The following SGCZ variants were observed in gnomAD, a reference collection of about 807,000 sequenced individuals.
The protein encoded by SGCZ is sarcoglycan zeta, also known as zeta-sarcoglycan.
A neutral mutation model predicts 41.3 loss-of-function variants in SGCZ; 40 were observed. The observed-to-expected ratio is 0.97, with a 90% CI of 0.75 to 1.26. The LOEUF is 1.26. SGCZ is among the 50% of genes most tolerant of loss of function. The pLI, the probability that SGCZ is intolerant of heterozygous loss-of-function variation, is 0.00. For missense variants in SGCZ, 552 were observed against 369.8 expected, an observed-to-expected ratio of 1.49 and a Z score of -4.04; for synonymous variants, 206 against 137.5, an observed-to-expected ratio of 1.50 and a Z score of -3.49.
chr8:14,938,262 C>T (rs2130816030), intron 1 of SGCZ, among the ~76,000 whole-genome samples: 1 of 152,136 alleles, frequency 6.6e-6, no homozygotes, highest in East Asian at 1.9e-4. Context: ...GATATGGATT[C>T]AAAAATAAAT....
At chr8:14,551,529 ATATAATAT>A (rs1803839439) in intron 2 of SGCZ, among the ~76,000 whole-genome samples, 1 of 3,756 alleles carries the variant, frequency 2.7e-4, no homozygotes, top group Non-Finnish European at 4.9e-4. Context: ...TATATAATAT[ATATAATAT>A]ATATAATATA....
intron 3 of SGCZ, among the ~76,000 whole-genome samples, chr8:14,250,883 T>A (rs2117206013): frequency 6.6e-6 from 1 of 152,286 alleles, no homozygotes; most frequent in South Asian, 2.1e-4. Flanking sequence ...ACTTTTCTTA[T>A]AACTCTGATA....
intron 2 of SGCZ, among the ~76,000 whole-genome samples, chr8:14,345,587 T>C (rs552783806): frequency 6.6e-6 from 1 of 152,238 alleles, no homozygotes; most frequent in African/African-American, 2.4e-5. Flanking sequence ...GAAGCTCTGT[T>C]TAATAACGTG....
chr8:14,483,443 T>G (rs1426918964), intron 2 of SGCZ, among the ~76,000 whole-genome samples: 1 of 152,178 alleles, frequency 6.6e-6, no homozygotes, highest in Non-Finnish European at 1.5e-5. Context: ...TGGTGGTACC[T>G]GCCTGTGGTC....
chr8:14,142,485 C>T (rs1803401683), intron 5 of SGCZ, among the ~76,000 whole-genome samples: 1 of 152,078 alleles, frequency 6.6e-6, no homozygotes, highest in African/African-American at 2.4e-5. Context: ...TCCCATTAGG[C>T]CCATTTAGGC....
intron 4 of SGCZ, among the ~76,000 whole-genome samples, chr8:14,191,682 A>T (rs748153794): frequency 2.6e-5 from 4 of 152,210 alleles, no homozygotes; most frequent in Non-Finnish European, 5.9e-5. Flanking sequence ...TTGAGATTGT[A>T]TCACTAAAAG....
Position 15,156,237 on chromosome 8 carries a change from T to C in SGCZ, c.39+81348A>G, listed in dbSNP as rs557793160. ...GGCTAATGTCCAAAAACGCAGACTA[T>C]GAGTCCTGAAAGACTGAGGCCTTAT... On this transcript the variant is annotated intron_variant, in intron 1 of 7. Coordinates refer to ENST00000382080, the MANE Select transcript of SGCZ (RefSeq NM_139167.4). 1.6e-3 allele frequency among the ~76,000 whole-genome samples: 243 copies of C among 152,246 alleles called. 1 individual carries two copies. The highest frequency in any genetic ancestry group is 2.9e-3 in the Non-Finnish European group (194 of 68,010).
chr8:15,230,660 G>T (rs889833009), intron 1 of SGCZ, among the ~76,000 whole-genome samples: 2 of 152,238 alleles, frequency 1.3e-5, no homozygotes, highest in African/African-American at 2.4e-5. Flanking sequence ...GAGATCAACT[G>T]GTTGTGAGGT....
intron 2 of SGCZ, among the ~76,000 whole-genome samples, chr8:14,499,741 T>G (rs1010154048): frequency 6.6e-6 from 1 of 152,148 alleles, no homozygotes; most frequent in Admixed American, 6.6e-5. Flanking sequence ...TTTCAACACC[T>G]GTATCTTCCC....
chr8:14,451,722 G>T (rs553160385), intron 2 of SGCZ, among the ~76,000 whole-genome samples: 1 of 152,234 alleles, frequency 6.6e-6, no homozygotes, highest in East Asian at 1.9e-4. Context: ...TATACAAGTG[G>T]CAAGTAAGCA....
At chr8:14,700,367 T>G (rs1321582007) in intron 1 of SGCZ, among the ~76,000 whole-genome samples, 1 of 151,738 alleles carries the variant, frequency 6.6e-6, no homozygotes, top group Non-Finnish European at 1.5e-5. Context: ...GAGCAGAAAA[T>G]AAAATACCAC....
At chr8:14,477,465 A>G (rs1157972980) in intron 2 of SGCZ, among the ~76,000 whole-genome samples, 1 of 152,140 alleles carries the variant, frequency 6.6e-6, no homozygotes, top group African/African-American at 2.4e-5. Flanking sequence ...TCCTATTAGT[A>G]TTCTAAATGG....
At chr8:14,847,126 AAAG>A (rs61002020) in intron 1 of SGCZ, among the ~76,000 whole-genome samples, 13,600 of 126,230 alleles carry the variant, frequency 0.11, 703 homozygotes, top group South Asian at 0.12. Flanking sequence ...GAAGAAGAAG[AAAG>A]AAGAAGAAGA....
intron 1 of SGCZ, among the ~76,000 whole-genome samples, chr8:14,912,268 T>A (rs1799299300): frequency 6.6e-6 from 1 of 151,900 alleles, no homozygotes; most frequent in African/African-American, 2.4e-5. Context: ...ATGACTCAAA[T>A]GCAAAAAGTT....
At chr8:14,547,300 T>C (rs1412160502) in intron 2 of SGCZ, among the ~76,000 whole-genome samples, 1 of 152,086 alleles carries the variant, frequency 6.6e-6, no homozygotes, top group Non-Finnish European at 1.5e-5. Flanking sequence ...ACAAATAAGC[T>C]CCCTCATTCA....
chr8:15,175,787 G>T (rs1799979733), intron 1 of SGCZ, among the ~76,000 whole-genome samples: 3 of 152,080 alleles, frequency 2.0e-5, no homozygotes, highest in Admixed American at 6.5e-5. Context: ...AATAAAGGTT[G>T]AAACACAGGC....
At chr8:14,136,965 C>T (rs1440210833) in intron 5 of SGCZ, among the ~76,000 whole-genome samples, 2 of 152,202 alleles carry the variant, frequency 1.3e-5, no homozygotes, top group African/African-American at 2.4e-5. Flanking sequence ...AAGGATTAGG[C>T]AGCAACATTT....
chr8:14,507,917 A>T (rs1047659078), intron 2 of SGCZ, among the ~76,000 whole-genome samples: 5 of 151,888 alleles, frequency 3.3e-5, no homozygotes, highest in African/African-American at 1.2e-4. Flanking sequence ...GATTACAGGC[A>T]TGCGCCACTA....
At position 14,455,283 on chromosome 8, in the gene SGCZ, T is replaced by A. The variant is rs139999435; in HGVS notation, c.234+99449A>T. On this transcript the variant is annotated intron_variant, in intron 2 of 7. Coordinates refer to ENST00000382080, the MANE Select transcript of SGCZ (RefSeq NM_139167.4). Reference sequence around the variant, plus strand: ...TTCAAACAGGTAAAAAAGTAAAAAATCATAGTTAAGGAAATGTAATTTAAA... The same window carrying A: ...TTCAAACAGGTAAAAAAGTAAAAAAACATAGTTAAGGAAATGTAATTTAAA... Among the ~76,000 whole-genome samples, 18 of 152,120 alleles carry A rather than the reference T, an allele frequency of 1.2e-4. 1 individual carries two copies. Among genetic ancestry groups the A allele is most frequent in the African/African-American group, 4.3e-4 (18 of 41,514 alleles).
Sources: gnomAD v4.1 joint callset for allele counts (sites outside exome capture counted in the v4.1 genomes callset) on GRCh38, gnomAD v4.1.1 for gene constraint, MANE v1.5 for transcripts, NCBI Gene and HGNC (gene_info 2026-07-23, HGNC 2026-07-21) for gene names.